The following ZMYM2 variants were observed in gnomAD, a reference collection of about 807,000 sequenced individuals.
The protein encoded by ZMYM2 is zinc finger MYM-type protein 2.
ZMYM2 carries 56 observed loss-of-function variants against 162.8 expected under a neutral mutation model. The observed-to-expected ratio is 0.34, with a 90% CI of 0.28 to 0.43. The LOEUF (loss-of-function observed/expected upper bound fraction) is 0.43, where lower values mean the gene tolerates loss of function less well. ZMYM2 is among the 20% of genes least tolerant of loss of function. The pLI, the probability that ZMYM2 is intolerant of heterozygous loss-of-function variation, is 1.00. For synonymous variants in ZMYM2, 510 were observed against 541.6 expected (o/e 0.94, Z 0.81); for missense variants, 1,275 against 1,621.8 (o/e 0.79, Z 3.67).
chr13:20,011,390 A>G (rs955296608), intron 6 of ZMYM2, among the ~76,000 whole-genome samples: 4 of 152,174 alleles, frequency 2.6e-5, no homozygotes, highest in Admixed American at 1.3e-4. Flanking sequence ...AAATGCTTCA[A>G]TGAGCATTTC....
In ZMYM2 at chr13:20,021,137, G is replaced by A. The variant is rs1170159593; in HGVS notation, c.1584+1519G>A. Among the ~76,000 whole-genome samples the A allele has an allele frequency of 3.3e-5, 5 of 151,870 alleles. No homozygotes were observed. The South Asian group carries it at 8.3e-4, about 25-fold the overall frequency. On this transcript the variant is annotated intron_variant, in intron 7 of 24. Transcript: ENST00000610343. ...ACTGCAGGTGCCCGCCACCATGCCCGGCTAATTTTTTGTATTTTTAGTAGA... is the reference window on the plus strand; with the variant it reads ...ACTGCAGGTGCCCGCCACCATGCCCAGCTAATTTTTTGTATTTTTAGTAGA...
intron 19 of ZMYM2, chr13:20,066,507 A>G (rs1358304023): frequency 5.6e-6 from 1 of 178,636 alleles, no homozygotes; most frequent in Non-Finnish European, 1.2e-5. Flanking sequence ...TAATAAAGTT[A>G]GCTAGAGAAA....
intron 2 of ZMYM2, among the ~76,000 whole-genome samples, chr13:19,985,570 A>C (rs1003646418): frequency 6.6e-6 from 1 of 152,092 alleles, no homozygotes; most frequent in Non-Finnish European, 1.5e-5. Flanking sequence ...GGCCAGGCAC[A>C]GTGGCGCCTG....
chr13:19,992,422 C>G (rs1264784610), intron 2 of ZMYM2, among the ~76,000 whole-genome samples: 1 of 151,374 alleles, frequency 6.6e-6, no homozygotes. Flanking sequence ...AATAAATTAG[C>G]CAGGTGTGGT....
intron 3 of ZMYM2, among the ~76,000 whole-genome samples, chr13:20,001,421 C>T (rs994983927): frequency 9.9e-5 from 15 of 151,200 alleles, no homozygotes; most frequent in Non-Finnish European, 1.6e-4. Context: ...AAGTAGAGCC[C>T]GAAGATGAGA....
At chr13:20,062,992 TATGGAATTTAGTTATGG>T (rs1205597848) in intron 18 of ZMYM2, 21 bp downstream of exon 18, 15 of 1,584,388 alleles carry the variant, frequency 9.5e-6, no homozygotes, top group Non-Finnish European at 1.2e-5. Context: ...CCTTTATGAC[TATGGAATTTAGTTATGG>T]AGTCAACTGT....
intron 6 of ZMYM2, among the ~76,000 whole-genome samples, chr13:20,010,128 G>A (rs1951053727): frequency 6.6e-6 from 1 of 152,032 alleles, no homozygotes; most frequent in Admixed American, 6.6e-5. Flanking sequence ...CATGTGCGGT[G>A]GTATCTCATG....
intron 2 of ZMYM2, among the ~76,000 whole-genome samples, chr13:19,964,456 G>A (rs901101338): frequency 6.6e-6 from 1 of 152,124 alleles, no homozygotes; most frequent in African/African-American, 2.4e-5. Flanking sequence ...GTAGAGACAG[G>A]GACCCACTTT....
chr13:20,015,724 A>G (rs566431234), intron 6 of ZMYM2, among the ~76,000 whole-genome samples: 82 of 152,080 alleles, frequency 5.4e-4, no homozygotes, highest in African/African-American at 2.0e-3. Flanking sequence ...TTTGTTCAGT[A>G]TGTATTTTTC....
the ZMYM2 span, among the ~76,000 whole-genome samples, chr13:19,944,089 T>G: frequency 4.4e-4 from 67 of 152,252 alleles, no homozygotes; most frequent in African/African-American, 1.5e-3. Flanking sequence ...CACAGACCTC[T>G]TTTAGCTACT....
rs1252096522 is a variant in ZMYM2, at chr13:19,988,250, T to G, written c.-10-4813T>G. On this transcript the variant is annotated intron_variant, in intron 2 of 24. Coordinates refer to ENST00000610343, the MANE Select transcript of ZMYM2 (RefSeq NM_197968.4). ...TTCATTTTCTTACTTTGTTGAGTGG[T>G]AGAACAGTGCTCTTCTGACACTAGA... Among the ~76,000 whole-genome samples the G allele has an allele frequency of 2.0e-5, 3 of 152,218 alleles. No individual in the cohort carries two copies. The East Asian group carries it at 5.8e-4, about 29-fold the overall frequency.
the ZMYM2 span, among the ~76,000 whole-genome samples, chr13:19,916,457 C>CA: frequency 3.3e-5 from 5 of 152,242 alleles, no homozygotes; most frequent in South Asian, 8.3e-4. Context: ...GACTTGGAAC[C>CA]AACCCAAATG....
At chr13:20,044,781 G>A (rs1378103371) in intron 12 of ZMYM2, among the ~76,000 whole-genome samples, 3 of 151,706 alleles carry the variant, frequency 2.0e-5, no homozygotes, top group African/African-American at 4.8e-5. Context: ...CAGGCGCGGC[G>A]GCTCACTCCT....
intron 7 of ZMYM2, 141 bp downstream of exon 7, chr13:20,019,759 G>T (rs960144432): frequency 1.8e-5 from 13 of 713,178 alleles, no homozygotes; most frequent in East Asian, 5.7e-5. Flanking sequence ...AATGATGAAT[G>T]TTTTATCTCT....
At chr13:19,944,417 C>A in the ZMYM2 span, among the ~76,000 whole-genome samples, 11 of 151,936 alleles carry the variant, frequency 7.2e-5, no homozygotes, top group South Asian at 2.3e-3. Flanking sequence ...TTATACAGTC[C>A]TGAAAAAGAA....
At chr13:20,056,629 T>C (rs953574550) in intron 14 of ZMYM2, among the ~76,000 whole-genome samples, 1 of 152,126 alleles carries the variant, frequency 6.6e-6, no homozygotes, top group Non-Finnish European at 1.5e-5. Flanking sequence ...TATAAAGCAG[T>C]CCATTGATAA....
At chr13:19,867,901 C>T in the ZMYM2 span, among the ~76,000 whole-genome samples, 5 of 152,252 alleles carry the variant, frequency 3.3e-5, no homozygotes, top group African/African-American at 1.2e-4. Context: ...ACTGGGATTA[C>T]AGGCGTAAGC....
At chr13:19,992,960 G>A in intron 2 of ZMYM2, 103 bp from the exon 3 acceptor site, 3 of 1,262,706 alleles carry the variant, frequency 2.4e-6, no homozygotes, top group Non-Finnish European at 3.2e-6. Flanking sequence ...ACTTCATTTA[G>A]AATAAAAATA....
intron 5 of ZMYM2, 115 bp from the exon 6 acceptor site, chr13:20,006,255 TTTTC>T: frequency 9.6e-7 from 1 of 1,039,858 alleles, no homozygotes; most frequent in South Asian, 2.0e-5. Context: ...AAAATTTTTT[TTTTC>T]CTTTTCTCCA....
Sources: allele counts gnomAD v4.1 joint callset (sites outside exome capture counted in the v4.1 genomes callset), GRCh38; gene constraint gnomAD v4.1.1; transcripts MANE v1.5; gene names NCBI Gene and HGNC (gene_info 2026-07-23, HGNC 2026-07-21).